The following ANKRD30A variants were observed in gnomAD, a reference collection of about 807,000 sequenced individuals.
The protein encoded by ANKRD30A is ankyrin repeat domain 30A.
Under a neutral mutation model 166.3 loss-of-function variants are expected in ANKRD30A, and 170 were observed. The observed-to-expected ratio is 1.02, with a 90% CI of 0.90 to 1.16. ANKRD30A has a LOEUF of 1.16. Ranked by LOEUF, ANKRD30A falls within the 50% of genes most tolerant of loss-of-function variation. The pLI is 0.00. For missense variants in ANKRD30A, 1,630 were observed against 1,518.0 expected (o/e 1.07, Z -1.23); for synonymous variants, 564 against 508.9 (o/e 1.11, Z -1.46).
At chr10:37,245,367 C>T in the ANKRD30A span, among the ~76,000 whole-genome samples, 4 of 152,086 alleles carry the variant, frequency 2.6e-5, no homozygotes, top group African/African-American at 7.2e-5. Context: ...TTTCTATATA[C>T]ACATACCATC....
At chr10:37,194,217 G>C (rs2055913218) in intron 27 of ANKRD30A, among the ~76,000 whole-genome samples, 1 of 151,862 alleles carries the variant, frequency 6.6e-6, no homozygotes, top group South Asian at 2.1e-4. Context: ...AAACACAAAA[G>C]CTCACAACAT....
the ANKRD30A span, among the ~76,000 whole-genome samples, chr10:37,257,364 G>C: frequency 1.3e-5 from 2 of 149,048 alleles, no homozygotes; most frequent in South Asian, 4.2e-4. Flanking sequence ...TGGATTCATT[G>C]ATTTTTTGAA....
intron 31 of ANKRD30A, among the ~76,000 whole-genome samples, chr10:37,201,884 G>A (rs977044609): frequency 9.2e-5 from 14 of 152,090 alleles, no homozygotes; most frequent in African/African-American, 2.9e-4. Context: ...GAATAAGCAT[G>A]TCTGCATGGC....
chr10:37,190,527 T>C (rs982184805), intron 25 of ANKRD30A, among the ~76,000 whole-genome samples: 2 of 151,774 alleles, frequency 1.3e-5, no homozygotes, highest in Non-Finnish European at 2.9e-5. Flanking sequence ...AAAATAATGT[T>C]AACAGGTGTC....
rs182682031 is a variant in ANKRD30A, at chr10:37,190,987, C to A, written c.2512+1430C>A. On this transcript the variant is annotated intron_variant, in intron 25 of 35. Transcript: ENST00000361713. Reference sequence around the variant, plus strand: ...TTAGCAAATAACATGCTACACGAAACCAGACTAATTTTAAAAACCATAAAA... The same window carrying A: ...TTAGCAAATAACATGCTACACGAAAACAGACTAATTTTAAAAACCATAAAA... 7.7e-3 allele frequency among the ~76,000 whole-genome samples: 1,171 copies of A among 151,814 alleles called. 15 individuals are homozygous for A. The highest frequency in any genetic ancestry group is 0.012 in the Non-Finnish European group (791 of 67,962).
At chr10:37,164,993 A>C in intron 17 of ANKRD30A, 101 bp from the exon 18 acceptor site, 2 of 1,283,818 alleles carry the variant, frequency 1.6e-6, no homozygotes, top group South Asian at 2.4e-5. Flanking sequence ...GCCACAGAGG[A>C]AAATCCACAG....
At chr10:37,224,603 T>A (rs1843053545) in intron 34 of ANKRD30A, among the ~76,000 whole-genome samples, 1 of 151,492 alleles carries the variant, frequency 6.6e-6, no homozygotes, top group East Asian at 1.9e-4. Flanking sequence ...CTTTCCTCAG[T>A]GCCTTTGAAG....
rs555717510 is a variant in ANKRD30A at position 37,197,547 on chromosome 10, A to C, written c.2716+67A>C. The C allele has an allele frequency of 1.4e-4, 220 of 1,606,676 alleles. 1 individual carries two copies. The Admixed American group carries it at 3.6e-3, about 27-fold the overall frequency. On this transcript the variant is annotated intron_variant, in intron 29 of 35. Coordinates refer to ENST00000361713, the MANE Select transcript of ANKRD30A (RefSeq NM_052997.3). ...TATTGAACATTTTGATGGTCTTTCT[A>C]TCCCCAATGCTTTATTTTTTTCAAC...
intron 9 of ANKRD30A, 63 bp from the exon 10 acceptor site, chr10:37,149,588 A>T: frequency 6.5e-7 from 1 of 1,540,772 alleles, no homozygotes; most frequent in Non-Finnish European, 9.0e-7. Context: ...CTATGACTGC[A>T]TTCATTTGGT....
At position 37,217,867 on chromosome 10, in the gene ANKRD30A, A is replaced by C. The variant is rs1588946926; in HGVS notation, c.3256A>C (p.Asn1086His). ...TATAGAATTGAAGAGTGTAGAAAGT[A>C]ATTTGAATCAGGTAAATCAATCTCT... ...QDIELKSVES[N>H]LNQVSHTHEN... Residue 1086 changes from asparagine (N) to histidine (H), a missense_variant, in exon 33 of 36, where the codon AAT becomes CAT. Physicochemically the swap from Asn to His is moderately conservative, Grantham distance 68. Transcript: ENST00000361713. 1 of 1,544,598 alleles carries C rather than the reference A, an allele frequency of 6.5e-7. No individual in the cohort carries two copies. The highest frequency in any genetic ancestry group is 8.7e-7 in the Non-Finnish European group (1 of 1,152,660).
the ANKRD30A span, among the ~76,000 whole-genome samples, chr10:37,261,684 T>C: frequency 2.6e-5 from 4 of 152,200 alleles, no homozygotes; most frequent in African/African-American, 7.2e-5. Context: ...TTAGACAGAC[T>C]ATAAGATGCA....
the ANKRD30A span, among the ~76,000 whole-genome samples, chr10:37,263,595 T>C: frequency 6.6e-6 from 1 of 151,876 alleles, no homozygotes; most frequent in Non-Finnish European, 1.5e-5. Flanking sequence ...CAGTTCTCAA[T>C]AGGGTTCGTG....
chr10:37,178,351 A>T (rs1839897263), intron 24 of ANKRD30A: 1 of 280,984 alleles, frequency 3.6e-6, no homozygotes, highest in Non-Finnish European at 5.5e-6. Context: ...ATAAATTGTC[A>T]TATACACTCC....
intron 29 of ANKRD30A, among the ~76,000 whole-genome samples, chr10:37,198,447 A>T: frequency 6.6e-6 from 1 of 152,152 alleles, no homozygotes; most frequent in Non-Finnish European, 1.5e-5. Flanking sequence ...TAAAAATGAA[A>T]ACATGCAGAT....
chr10:37,172,036 A>G (rs190164701), intron 21 of ANKRD30A, among the ~76,000 whole-genome samples: 45 of 144,784 alleles, frequency 3.1e-4, no homozygotes, highest in African/African-American at 1.0e-3. Context: ...AACAAAAGAT[A>G]GTTACACTTA....
chr10:37,217,956 G>A (rs2132738818), intron 33 of ANKRD30A, 78 bp downstream of exon 33: 1 of 1,090,450 alleles, frequency 9.2e-7, no homozygotes, highest in Non-Finnish European at 1.3e-6. Flanking sequence ...CTTTGATTTA[G>A]TATGTATTAT....
At chr10:37,260,718 G>A in the ANKRD30A span, among the ~76,000 whole-genome samples, 2 of 152,272 alleles carry the variant, frequency 1.3e-5, no homozygotes, top group South Asian at 4.1e-4. Flanking sequence ...GTGTATAGCA[G>A]CTACTGGTTG....
chr10:37,243,694 C>T, the ANKRD30A span, among the ~76,000 whole-genome samples: 1 of 152,006 alleles, frequency 6.6e-6, no homozygotes, highest in African/African-American at 2.4e-5. Flanking sequence ...AGTGACATTC[C>T]TATGATGTAT....
chr10:37,254,662 C>CCTTTT, the ANKRD30A span, among the ~76,000 whole-genome samples: 67 of 148,716 alleles, frequency 4.5e-4, no homozygotes, highest in East Asian at 2.9e-3. Flanking sequence ...TTCTGGTTGT[C>CCTTTT]CTTTTCTTTT....
Sources: allele counts gnomAD v4.1 joint callset (sites outside exome capture counted in the v4.1 genomes callset), GRCh38; gene constraint gnomAD v4.1.1; transcripts MANE v1.5; gene names NCBI Gene and HGNC (gene_info 2026-07-23, HGNC 2026-07-21).